Variants in MRPS10 observed in about 807,000 individuals in gnomAD.
The protein encoded by MRPS10 is mitochondrial ribosomal protein S10.
Under a neutral mutation model 27.5 loss-of-function variants are expected in MRPS10, and 23 were observed. The ratio of observed to expected loss-of-function variants is 0.84; its 90% CI spans 0.60 to 1.18. The LOEUF (loss-of-function observed/expected upper bound fraction) is 1.18, where lower values mean the gene tolerates loss of function less well. MRPS10 is among the 50% of genes most tolerant of loss of function. The pLI, the probability that MRPS10 is intolerant of heterozygous loss-of-function variation, is 0.00. For synonymous variants in MRPS10, 88 were observed against 84.2 expected, an observed-to-expected ratio of 1.04 and a Z score of -0.25; for missense variants, 237 against 240.1, an observed-to-expected ratio of 0.99 and a Z score of 0.09.
chr6:42,213,892 A>G (rs1169058201), intron 3 of MRPS10, among the ~76,000 whole-genome samples: 1 of 152,242 alleles, frequency 6.6e-6, no homozygotes, highest in Non-Finnish European at 1.5e-5. Context: ...ACTACTAATT[A>G]ACACAGTTAT....
At chr6:42,216,381 A>AGCGTGTGTGTGT (rs1171760790) in intron 1 of MRPS10, among the ~76,000 whole-genome samples, 1 of 31,898 alleles carries the variant, frequency 3.1e-5, no homozygotes, top group African/African-American at 6.7e-5. Context: ...AGAGAGAGAG[A>AGCGTGTGTGTGT]GAGAGTGTGT....
At chr6:42,208,977 G>GT in intron 5 of MRPS10, 30 bp from the exon 6 acceptor site, 1 of 1,408,222 alleles carries the variant, frequency 7.1e-7, no homozygotes, top group South Asian at 1.2e-5. Flanking sequence ...AATGTTTCAT[G>GT]TAAGCTGTTT....
At chr6:42,216,385 AGTGTGT>A (rs1225590522) in intron 1 of MRPS10, among the ~76,000 whole-genome samples, 11 of 58,696 alleles carry the variant, frequency 1.9e-4, no homozygotes, top group Admixed American at 6.3e-4. Context: ...AGAGAGAGAG[AGTGTGT>A]GTGTGTGTGT....
At chr6:42,217,659 C>CT in intron 1 of MRPS10, 143 bp downstream of exon 1, 1 of 744,256 alleles carries the variant, frequency 1.3e-6, no homozygotes, top group South Asian at 1.7e-5. Context: ...AAACTAGCCC[C>CT]TTTCTCGTCA....
chr6:42,216,385 AGTGT>A (rs1225590522), intron 1 of MRPS10, among the ~76,000 whole-genome samples: 1,044 of 58,682 alleles, frequency 0.018, 26 homozygotes, highest in African/African-American at 0.042. Flanking sequence ...AGAGAGAGAG[AGTGT>A]GTGTGTGTGT....
Position 42,208,955 on chromosome 6 carries a change from A to G in MRPS10, c.433-8T>C. The G allele has an allele frequency of 1.9e-6, 3 of 1,572,678 alleles. No individual in the cohort carries two copies. Among genetic ancestry groups the G allele is most frequent in the Non-Finnish European group, 2.6e-6 (3 of 1,149,906 alleles). Reference sequence around the variant, plus strand: ...TCCAGTTAGATGTTCTAACTAAAACATCAAACATGAAAATGTTTCATGTAA... The same window carrying G: ...TCCAGTTAGATGTTCTAACTAAAACGTCAAACATGAAAATGTTTCATGTAA... On this transcript the variant is annotated splice_polypyrimidine_tract_variant and splice_region_variant and intron_variant, in intron 5 of 6. Coordinates refer to ENST00000053468, the MANE Select transcript of MRPS10 (RefSeq NM_018141.4).
intron 1 of MRPS10, among the ~76,000 whole-genome samples, chr6:42,215,946 G>T (rs1768913258): frequency 6.6e-6 from 1 of 151,792 alleles, no homozygotes; most frequent in Admixed American, 6.6e-5. Context: ...AGTTGTGCAA[G>T]AGGAGCAAGA....
At chr6:42,217,744 G>T in intron 1 of MRPS10, 58 bp downstream of exon 1, 1 of 1,575,134 alleles carries the variant, frequency 6.3e-7, no homozygotes, top group Non-Finnish European at 8.7e-7. Flanking sequence ...TGGTGGCAGG[G>T]AAACTTAAAA....
chr6:42,217,523 AAGG>A (rs1345541855), intron 1 of MRPS10, among the ~76,000 whole-genome samples: 1 of 152,164 alleles, frequency 6.6e-6, no homozygotes, highest in African/African-American at 2.4e-5. Context: ...GCAAGCGTGA[AAGG>A]AGGGGTTTTG....
intron 4 of MRPS10, 34 bp downstream of exon 4, chr6:42,211,747 G>C (rs367552380): frequency 6.3e-7 from 1 of 1,588,248 alleles, no homozygotes; most frequent in African/African-American, 1.4e-5. Flanking sequence ...TATTACAGCA[G>C]CGAACAGGTC....
chr6:42,208,836 G>A (rs1435197658), intron 6 of MRPS10, 22 bp downstream of exon 6: 8 of 1,518,360 alleles, frequency 5.3e-6, no homozygotes, highest in Non-Finnish European at 7.3e-6. Flanking sequence ...CCCACCGAAA[G>A]AGGCAGAAAT....
chr6:42,214,431 C>A, intron 1 of MRPS10, 87 bp from the exon 2 acceptor site: 3 of 1,065,336 alleles, frequency 2.8e-6, no homozygotes, highest in South Asian at 2.9e-5. Flanking sequence ...AAAAGGTTAC[C>A]TCATTATTTC....
chr6:42,208,832 G>A lies in MRPS10; in HGVS notation c.522+26C>T, dbSNP rs759559999. The A allele has an allele frequency of 3.6e-5, 54 of 1,500,850 alleles. 1 individual carries two copies. The South Asian group carries it at 4.1e-4, about 11-fold the overall frequency. The allele number at this position is 1,500,850 out of a possible 1,614,324, so 93.0% of individuals were successfully genotyped here. The stretch of plus-strand genomic sequence containing the variant: ...AGATACCACTCCCCACCGCCCCACC[G>A]AAAGAGGCAGAAATTCAAGCTATAC... On this transcript the variant is annotated intron_variant, in intron 6 of 6. Transcript: ENST00000053468.
chr6:42,208,144 T>C lies in MRPS10; in HGVS notation c.*145A>G, dbSNP rs1482796868. 75 of 666,520 alleles carry C rather than the reference T, an allele frequency of 1.1e-4. No homozygotes were observed. In the East Asian group the frequency reaches 2.1e-3, roughly 18 times the overall value. 41.3% of individuals were successfully genotyped at this position (666,520 alleles called of 1,614,324 possible). On this transcript the variant is annotated 3_prime_UTR_variant, in exon 7 of 7. Coordinates refer to ENST00000053468, the MANE Select transcript of MRPS10 (RefSeq NM_018141.4). The stretch of plus-strand genomic sequence containing the variant: ...GTTCTTCCATTAAAGTTCCATTCCC[T>C]GCCCTCAGCTGATGAGGGCACGAGA...
intron 6 of MRPS10, among the ~76,000 whole-genome samples, chr6:42,208,634 GA>G: frequency 6.6e-6 from 1 of 152,140 alleles, no homozygotes; most frequent in Non-Finnish European, 1.5e-5. Flanking sequence ...ATTGAGGAGG[GA>G]GAACTTCATA....
rs1768647018 is a variant in MRPS10 at position 42,207,741 on chromosome 6, A to G, written c.*548T>C. The G allele has an allele frequency of 6.5e-6, 1 of 153,462 alleles. No individual in the cohort carries two copies. The highest frequency in any genetic ancestry group is 2.4e-5 in the African/African-American group (1 of 41,456). 9.5% of individuals were successfully genotyped at this position (153,462 alleles called of 1,614,324 possible). A position where few individuals can be genotyped will look rare whatever the true frequency, so the allele number is the denominator to read the frequency against. On this transcript the variant is annotated 3_prime_UTR_variant, in exon 7 of 7. Transcript: ENST00000053468. Reference sequence around the variant, plus strand: ...CAAGAAGAGGTCAGTGCATGCCATAAATGTGTTTGATCTGCTGTGAAGTAT... The same window carrying G: ...CAAGAAGAGGTCAGTGCATGCCATAGATGTGTTTGATCTGCTGTGAAGTAT...
At chr6:42,211,574 G>A (rs748187926) in intron 4 of MRPS10, among the ~76,000 whole-genome samples, 3 of 151,728 alleles carry the variant, frequency 2.0e-5, no homozygotes, top group South Asian at 2.1e-4. Flanking sequence ...CCAGCTATTC[G>A]GGAGGCTGAG....
chr6:42,211,673 C>CAAAAAAAA, intron 4 of MRPS10, 108 bp downstream of exon 4: 1 of 674,878 alleles, frequency 1.5e-6, no homozygotes, highest in South Asian at 2.6e-5. Flanking sequence ...GACTCTGTCT[C>CAAAAAAAA]AAAAAAAAAA....
At chr6:42,212,038 G>T in intron 3 of MRPS10, 121 bp from the exon 4 acceptor site, 1 of 852,824 alleles carries the variant, frequency 1.2e-6, no homozygotes, top group Non-Finnish European at 1.8e-6. Context: ...GAAAAACACT[G>T]AGTGACGGCA....
Sources: gnomAD v4.1 joint callset for allele counts (sites outside exome capture counted in the v4.1 genomes callset) on GRCh38, gnomAD v4.1.1 for gene constraint, MANE v1.5 for transcripts, NCBI Gene and HGNC (gene_info 2026-07-23, HGNC 2026-07-21) for gene names.